CEP43: variants seen among roughly 807,000 people sequenced by gnomAD.
CEP43 encodes centrosomal protein 43, also known as FGFR1 oncogene partner.
A neutral mutation model predicts 52.6 loss-of-function variants in CEP43; 36 were observed. The observed-to-expected ratio is 0.68, with a 90% confidence interval of 0.52 to 0.90. The LOEUF (loss-of-function observed/expected upper bound fraction) is 0.90. Among genes scored for constraint, CEP43 ranks in the 40% least tolerant of loss-of-function variants. The probability of loss-of-function intolerance (pLI) is 0.00; values close to 1 mark genes in which losing one functional copy is unlikely to be tolerated. For missense variants in CEP43, 506 were observed against 472.8 expected, an observed-to-expected ratio of 1.07 and a Z score of -0.65; for synonymous variants, 192 against 172.4, an observed-to-expected ratio of 1.11 and a Z score of -0.89.
At chr6:167,008,041 C>A (rs1328405026) in intron 5 of CEP43, among the ~76,000 whole-genome samples, 1 of 152,006 alleles carries the variant, frequency 6.6e-6, no homozygotes, top group East Asian at 1.9e-4. Flanking sequence ...GACTGCACTG[C>A]CGACTCAGGA....
At chr6:167,037,725 A>G (rs1780611899) in intron 12 of CEP43, among the ~76,000 whole-genome samples, 1 of 152,256 alleles carries the variant, frequency 6.6e-6, no homozygotes, top group African/African-American at 2.4e-5. Context: ...ATCTCACAGT[A>G]TCTCGGGATG....
At chr6:167,035,136 GCTT>G (rs1180906415) in intron 12 of CEP43, among the ~76,000 whole-genome samples, 2 of 152,200 alleles carry the variant, frequency 1.3e-5, no homozygotes, top group Non-Finnish European at 2.9e-5. Context: ...TTGTTAGACT[GCTT>G]CTCACTGGGT....
In CEP43 at chr6:167,040,043, T is replaced by TC. The variant is rs61189196; in HGVS notation, c.*67dup. 1.6e-5 allele frequency: 25 copies of TC among 1,612,266 alleles called. No individual in the cohort carries two copies. Among genetic ancestry groups the TC allele is most frequent in the East Asian group, 2.2e-5 (1 of 44,862 alleles). ...ACTGACCGGTTCCATTTTTTTTTTT[T>TC]CCAGACAATCACTCAGCTGGAATGT... On this transcript the variant is annotated 3_prime_UTR_variant, in exon 13 of 13. Coordinates refer to ENST00000366847, the MANE Select transcript of CEP43 (RefSeq NM_007045.4).
In CEP43 at chr6:167,041,348, C is replaced by T; in HGVS notation, c.*1370C>T. On this transcript the variant is annotated 3_prime_UTR_variant, in exon 13 of 13. Coordinates refer to ENST00000366847, the MANE Select transcript of CEP43 (RefSeq NM_007045.4). The stretch of plus-strand genomic sequence containing the variant: ...AATTTAAGTGAAACTAAGCTGTAAA[C>T]ATCAAGAGGAAGTAGGACATAAACT... 4.7e-6 allele frequency: 5 copies of T among 1,057,904 alleles called. No individual in the cohort carries two copies. The highest frequency in any genetic ancestry group is 5.7e-6 in the Non-Finnish European group (5 of 874,580). The allele number at this position is 1,057,904 out of a possible 1,614,324, so 65.5% of individuals were successfully genotyped here. A position where few individuals can be genotyped will look rare whatever the true frequency, so the allele number is the denominator to read the frequency against.
intron 1 of CEP43, 26 bp downstream of exon 1, chr6:166,999,540 C>A (rs1287615366): frequency 5.1e-6 from 7 of 1,378,448 alleles, no homozygotes; most frequent in Non-Finnish European, 6.7e-6. Flanking sequence ...GGGGCCGGGC[C>A]TGGCGGATCC....
chr6:167,020,619 G>A (rs962625098), intron 7 of CEP43, among the ~76,000 whole-genome samples: 4 of 151,974 alleles, frequency 2.6e-5, no homozygotes, highest in African/African-American at 9.7e-5. Flanking sequence ...AAGATTACAC[G>A]GGCCATGTAT....
intron 7 of CEP43, among the ~76,000 whole-genome samples, chr6:167,018,224 T>C (rs1358288288): frequency 6.6e-6 from 1 of 152,196 alleles, no homozygotes; most frequent in Non-Finnish European, 1.5e-5. Context: ...AATGGACTCA[T>C]CTTAACTAAA....
intron 7 of CEP43, among the ~76,000 whole-genome samples, chr6:167,016,891 G>C (rs1290573658): frequency 6.6e-6 from 1 of 151,954 alleles, no homozygotes; most frequent in African/African-American, 2.4e-5. Context: ...ATATCTGGAG[G>C]TTTCATATGC....
At position 167,041,938 on chromosome 6, in the gene CEP43, T is replaced by G. The variant is rs973986611; in HGVS notation, c.*1960T>G. ...TCCTGGGTTCAAGCGATTCTCCTGCTTCAGCCTCCTGAGTAGCTGGGATTA... is the reference window on the plus strand; with the variant it reads ...TCCTGGGTTCAAGCGATTCTCCTGCGTCAGCCTCCTGAGTAGCTGGGATTA... On this transcript the variant is annotated 3_prime_UTR_variant, in exon 13 of 13. Transcript: ENST00000366847. 1 of 485,134 alleles carries G rather than the reference T, an allele frequency of 2.1e-6. No individual in the cohort carries two copies. The highest frequency in any genetic ancestry group is 2.1e-5 in the African/African-American group (1 of 47,482). 30.1% of individuals were successfully genotyped at this position (485,134 alleles called of 1,614,324 possible).
rs576096362 is a variant in CEP43, at chr6:167,024,952, C to T, written c.919+58C>T. 3.8e-5 allele frequency: 35 copies of T among 924,214 alleles called. No individual in the cohort carries two copies. In the East Asian group the frequency reaches 7.6e-4, roughly 20 times the overall value. 57.3% of individuals were successfully genotyped at this position (924,214 alleles called of 1,614,324 possible). A position where few individuals can be genotyped will look rare whatever the true frequency, so the allele number is the denominator to read the frequency against. Reference sequence around the variant, plus strand: ...GGGATATTTTTTCTCTAATTAAATACTATGTGATTATTGTTGATTTTTTTT... The same window carrying T: ...GGGATATTTTTTCTCTAATTAAATATTATGTGATTATTGTTGATTTTTTTT... On this transcript the variant is annotated intron_variant, in intron 9 of 12. Transcript: ENST00000366847.
chr6:167,008,222 C>T (rs1583270906), intron 5 of CEP43, among the ~76,000 whole-genome samples: 1 of 151,122 alleles, frequency 6.6e-6, no homozygotes, highest in African/African-American at 2.4e-5. Flanking sequence ...TCTCTTATTT[C>T]GTTATTCTAT....
At position 167,040,789 on chromosome 6, in the gene CEP43, A is replaced by T; in HGVS notation, c.*811A>T. On this transcript the variant is annotated 3_prime_UTR_variant, in exon 13 of 13. Coordinates refer to ENST00000366847, the MANE Select transcript of CEP43 (RefSeq NM_007045.4). The stretch of plus-strand genomic sequence containing the variant: ...CCATTAAGCAGTGCTTTTATTTCAG[A>T]TCTGTAAGTTAATTGTATTAAAATC... 2.0e-6 allele frequency: 2 copies of T among 1,015,764 alleles called. No homozygotes were observed. Among genetic ancestry groups the T allele is most frequent in the South Asian group, 4.7e-5 (1 of 21,502 alleles). The allele number at this position is 1,015,764 out of a possible 1,614,324, so 62.9% of individuals were successfully genotyped here. A position where few individuals can be genotyped will look rare whatever the true frequency, so the allele number is the denominator to read the frequency against.
chr6:167,005,630 CT>C (rs1464180986), intron 5 of CEP43, among the ~76,000 whole-genome samples: 2 of 152,224 alleles, frequency 1.3e-5, no homozygotes, highest in African/African-American at 4.8e-5. Flanking sequence ...CAGGTTGTCA[CT>C]TCAGCTTGTG....
intron 10 of CEP43, among the ~76,000 whole-genome samples, chr6:167,026,935 T>C (rs189895555): frequency 1.9e-4 from 29 of 152,336 alleles, no homozygotes; most frequent in African/African-American, 6.5e-4. Flanking sequence ...GCTAGTAGGT[T>C]ACCTTTGTCC....
At chr6:167,035,202 C>T (rs902077168) in intron 12 of CEP43, among the ~76,000 whole-genome samples, 1 of 152,164 alleles carries the variant, frequency 6.6e-6, no homozygotes, top group Non-Finnish European at 1.5e-5. Context: ...CACTTAAAAG[C>T]TTAAATTTAG....
chr6:167,033,761 A>AATATT, intron 11 of CEP43, 114 bp from the exon 12 acceptor site: 1 of 482,960 alleles, frequency 2.1e-6, no homozygotes, highest in Non-Finnish European at 3.6e-6. Flanking sequence ...AATTATAGTT[A>AATATT]ATATTATATT....
intron 9 of CEP43, among the ~76,000 whole-genome samples, chr6:167,026,180 T>C (rs1032113995): frequency 2.6e-5 from 4 of 152,158 alleles, no homozygotes; most frequent in African/African-American, 7.2e-5. Flanking sequence ...CTATCCAACA[T>C]AGGGAAACCC....
In CEP43 at chr6:167,043,048, A is replaced by AG. The variant is rs1254955144; in HGVS notation, c.*3072dup. ...AGCTGTCCTTACCCTAAACCTGGGG[A>AG]GGTCCCTAGGTTCAAGTCTGCAGGA... On this transcript the variant is annotated 3_prime_UTR_variant, in exon 13 of 13. Transcript: ENST00000366847. 1 of 152,208 alleles carries AG rather than the reference A, an allele frequency of 6.6e-6. No individual in the cohort carries two copies. The highest frequency in any genetic ancestry group is 1.9e-4 in the East Asian group (1 of 5,186). The allele number at this position is 152,208 out of a possible 1,614,324, so 9.4% of individuals were successfully genotyped here.
At chr6:167,011,079 GTTGT>G (rs1442764429) in intron 6 of CEP43, among the ~76,000 whole-genome samples, 186 bp downstream of exon 6, 1 of 152,030 alleles carries the variant, frequency 6.6e-6, no homozygotes, top group Non-Finnish European at 1.5e-5. Flanking sequence ...TTTGTTGGTA[GTTGT>G]TTGACATTTG....
Sources: allele counts gnomAD v4.1 joint callset (sites outside exome capture counted in the v4.1 genomes callset), GRCh38; gene constraint gnomAD v4.1.1; transcripts MANE v1.5; gene names NCBI Gene and HGNC (gene_info 2026-07-23, HGNC 2026-07-21).